Variants in PIEZO1 observed in about 807,000 individuals in gnomAD.
PIEZO1 encodes piezo type mechanosensitive ion channel component 1 (Er blood group).
In PIEZO1, 296 loss-of-function variants were observed where a neutral mutation model predicts 297.2. The observed-to-expected ratio is 1.00, with a 90% confidence interval of 0.91 to 1.10. PIEZO1 has a LOEUF of 1.10. PIEZO1 is among the 50% of genes least tolerant of loss of function. The probability of loss-of-function intolerance (pLI) is 0.00; values close to 1 mark genes in which losing one functional copy is unlikely to be tolerated. For synonymous variants in PIEZO1, 2,427 were observed against 1,507.5 expected, an observed-to-expected ratio of 1.61 and a Z score of -14.13; for missense variants, 5,018 against 3,455.5, an observed-to-expected ratio of 1.45 and a Z score of -11.34.
At chr16:88,746,869 C>T (rs736205) in intron 2 of PIEZO1, among the ~76,000 whole-genome samples, 61,744 of 151,794 alleles carry the variant, frequency 0.41, 12,782 homozygotes, top group Middle Eastern at 0.52. Flanking sequence ...GGCGAAACGC[C>T]AGGGGCCTGG....
At chr16:88,781,072 C>T (rs919209678) in intron 1 of PIEZO1, among the ~76,000 whole-genome samples, 5 of 152,262 alleles carry the variant, frequency 3.3e-5, no homozygotes, top group Non-Finnish European at 5.9e-5. Flanking sequence ...GGAATGGCTT[C>T]CTGCAAGATG....
chr16:88,780,984 G>T (rs1242800148), intron 1 of PIEZO1, among the ~76,000 whole-genome samples: 5 of 152,222 alleles, frequency 3.3e-5, no homozygotes, highest in Non-Finnish European at 7.3e-5. Flanking sequence ...AAGCCTAACT[G>T]TCTATTTCTA....
rs558510866 is a variant in PIEZO1, at chr16:88,716,916, ACACGGGGC to A, written c.6661-26_6661-19del. On this transcript the variant is annotated intron_variant, in intron 45 of 50. Transcript: ENST00000301015. ...AACAGCGGCTGGGGCAGGCACGGGG[ACACGGGGC>A]CACGAAGATGAGCGTGGAGGAGCGG... 19 of 1,548,712 alleles carry A rather than the reference ACACGGGGC, an allele frequency of 1.2e-5. No homozygotes were observed. The African/African-American group carries it at 2.3e-4, about 19-fold the overall frequency.
chr16:88,769,899 G>C (rs1299265139), intron 1 of PIEZO1, among the ~76,000 whole-genome samples: 1 of 152,202 alleles, frequency 6.6e-6, no homozygotes, highest in African/African-American at 2.4e-5. Context: ...GGGGCGGAGT[G>C]TGGTTAACAG....
chr16:88,719,300 G>A (rs1311829336), intron 44 of PIEZO1: 6 of 446,490 alleles, frequency 1.3e-5, no homozygotes, highest in Non-Finnish European at 2.0e-5. Flanking sequence ...AACAGTGGCT[G>A]TCCGGTCCTC....
intron 1 of PIEZO1, among the ~76,000 whole-genome samples, chr16:88,772,467 C>T (rs577528830): frequency 1.1e-4 from 16 of 152,180 alleles, no homozygotes; most frequent in African/African-American, 2.9e-4. Flanking sequence ...GCAGAGGGCA[C>T]GGCTTCCTCC....
At chr16:88,726,149 T>TAGA in intron 27 of PIEZO1, 135 bp downstream of exon 27, 1 of 708,200 alleles carries the variant, frequency 1.4e-6, no homozygotes, top group Non-Finnish European at 2.3e-6. Context: ...ATTCTCCCTC[T>TAGA]AGATGACACG....
chr16:88,758,478 T>C (rs537715934), intron 1 of PIEZO1, among the ~76,000 whole-genome samples: 3 of 152,322 alleles, frequency 2.0e-5, no homozygotes, highest in South Asian at 4.1e-4. Flanking sequence ...CCGTGGCTCA[T>C]AGCAGCTCAT....
chr16:88,748,488 TC>T (rs67008739), intron 2 of PIEZO1, among the ~76,000 whole-genome samples: 2,553 of 135,908 alleles, frequency 0.019, 34 homozygotes, highest in African/African-American at 0.034. Flanking sequence ...GGGTCTCAGC[TC>T]CCCCCCCCCC....
At position 88,784,990 on chromosome 16, in the gene PIEZO1, A is replaced by C. The variant is rs1192803972; in HGVS notation, c.-26T>G. The C allele has an allele frequency of 7.3e-6, 9 of 1,234,858 alleles. No homozygotes were observed. Among genetic ancestry groups the C allele is most frequent in the African/African-American group, 1.6e-5 (1 of 63,450 alleles). The allele number at this position is 1,234,858 out of a possible 1,614,324, so 76.5% of individuals were successfully genotyped here. On this transcript the variant is annotated 5_prime_UTR_variant, in exon 1 of 51. Transcript: ENST00000301015. ...GGCTGGAGGGCCCAGGGCCCGGCCC[A>C]GACCGAGCGGACGCCGCGGCGCTAT...
chr16:88,749,159 G>T (rs1472351887), intron 2 of PIEZO1, among the ~76,000 whole-genome samples: 1 of 151,558 alleles, frequency 6.6e-6, no homozygotes, highest in East Asian at 1.9e-4. Flanking sequence ...AGAATGGCGT[G>T]AACCTGGGAG....
At position 88,733,960 on chromosome 16, in the gene PIEZO1, T is replaced by TGGAGTCCTCCTCCTC; in HGVS notation, c.2260_2274dup (p.Glu754_Ser758dup). The TGGAGTCCTCCTCCTC allele has an allele frequency of 6.5e-7, 1 of 1,547,388 alleles. No homozygotes were observed. ...GTGGCCACGCCCAGCCCCTCGTCCC[T>TGGAGTCCTCCTCCTC]GGAGTCCTCCTCCTCCTCCTCCTCC... On this transcript the variant is annotated inframe_insertion, in exon 17 of 51. Transcript: ENST00000301015.
At chr16:88,755,995 A>AG (rs1206780492) in intron 1 of PIEZO1, among the ~76,000 whole-genome samples, 8 of 152,320 alleles carry the variant, frequency 5.3e-5, no homozygotes, top group African/African-American at 9.6e-5. Flanking sequence ...GGACAGCAGA[A>AG]GAAGGAAGGA....
At chr16:88,731,372 G>A (rs901839317) in intron 22 of PIEZO1, 2 of 314,706 alleles carry the variant, frequency 6.4e-6, no homozygotes, top group African/African-American at 2.1e-5. Flanking sequence ...GCACTTGGGT[G>A]TGAGGCATCA....
rs1365321508 is a variant in PIEZO1, at chr16:88,723,211, C to T, written c.4438+15G>A. The T allele has an allele frequency of 7.1e-6, 11 of 1,548,508 alleles. No homozygotes were observed. Among genetic ancestry groups the T allele is most frequent in the East Asian group, 4.9e-5 (2 of 40,914 alleles). ...CCGCGGCTTCCCCTCAGAGTCCCCA[C>T]GCCCCCCAGCTCACCTGTGGGTAGC... On this transcript the variant is annotated intron_variant, in intron 32 of 50. Coordinates refer to ENST00000301015, the MANE Select transcript of PIEZO1 (RefSeq NM_001142864.4).
intron 19 of PIEZO1, 119 bp from the exon 20 acceptor site, chr16:88,732,851 G>GGGGCTGC: frequency 9.5e-7 from 1 of 1,054,986 alleles, no homozygotes; most frequent in Non-Finnish European, 1.3e-6. Context: ...CAGGGACACG[G>GGGGCTGC]GGGCTGCCAG....
At chr16:88,738,532 A>T in intron 6 of PIEZO1, 36 bp downstream of exon 6, 1 of 1,530,874 alleles carries the variant, frequency 6.5e-7, no homozygotes, top group Non-Finnish European at 8.7e-7. Flanking sequence ...GACCCCTCCC[A>T]GTGTGACTGC....
At chr16:88,716,315 C>G (rs942739465) in intron 48 of PIEZO1, 38 bp from the exon 49 acceptor site, 1 of 1,496,338 alleles carries the variant, frequency 6.7e-7, no homozygotes, top group South Asian at 1.3e-5. Flanking sequence ...CTGGCCCAGC[C>G]AACCTGGCAC....
In PIEZO1 at chr16:88,715,639, T is replaced by C. The variant is rs1911945023; in HGVS notation, c.7532A>G (p.Glu2511Gly). ...AKLIFLYRSP[E>G]TMIKWTREKE The stretch of plus-strand genomic sequence containing the variant: ...CTCACGAGTCCACTTGATCATGGTC[T>C]CCGGTGAGCGGTAGAGGAAGATGAG... Residue 2511 changes from glutamate (E) to glycine (G), a missense_variant, in exon 51 of 51, where the codon GAG becomes GGG. Physicochemically the swap from Glu to Gly is moderately conservative, Grantham distance 98 (BLOSUM62 -2). Coordinates refer to ENST00000301015, the MANE Select transcript of PIEZO1 (RefSeq NM_001142864.4). 1 of 1,550,190 alleles carries C rather than the reference T, an allele frequency of 6.5e-7. No individual in the cohort carries two copies. Among genetic ancestry groups the C allele is most frequent in the African/African-American group, 1.4e-5 (1 of 73,174 alleles).
Sources: gnomAD v4.1 joint callset for allele counts (sites outside exome capture counted in the v4.1 genomes callset) on GRCh38, gnomAD v4.1.1 for gene constraint, MANE v1.5 for transcripts, NCBI Gene and HGNC (gene_info 2026-07-23, HGNC 2026-07-21) for gene names.